SH3GLB2: variants seen among roughly 807,000 people sequenced by gnomAD.
SH3GLB2 encodes endophilin-B2.
SH3GLB2 carries 24 observed loss-of-function variants against 48.0 expected under a neutral mutation model. That is an observed-to-expected ratio of 0.50 (90% CI 0.36 to 0.70). The LOEUF (loss-of-function observed/expected upper bound fraction) is 0.70, where lower values mean the gene tolerates loss of function less well. Ranked by LOEUF, SH3GLB2 falls within the 30% of genes least tolerant of loss-of-function variation. The pLI is 0.00. For synonymous variants in SH3GLB2, 227 were observed against 207.6 expected (o/e 1.09, Z -0.80); for missense variants, 425 against 516.0 (o/e 0.82, Z 1.71).
intron 10 of SH3GLB2, 49 bp from the exon 11 acceptor site, chr9:129,008,840 C>A (rs751025554): frequency 6.4e-7 from 1 of 1,560,306 alleles, no homozygotes; most frequent in African/African-American, 1.4e-5. Context: ...AAGGGTGGAA[C>A]TGGCCCCAGG....
At chr9:129,022,522 GA>G in intron 1 of SH3GLB2, 99 bp from the exon 2 acceptor site, 1 of 1,130,650 alleles carries the variant, frequency 8.8e-7, no homozygotes, top group Admixed American at 2.1e-5. Context: ...CCACCAGCAG[GA>G]ACCCAGGCAG....
rs1046575668 is a variant in SH3GLB2, at chr9:129,009,891, G to C, written c.739-20C>G. ...GTTCACCTGCGGGGAAGAGGCCAGA[G>C]GCTGACTTCTAACCTCCCGCCCTCA... On this transcript the variant is annotated intron_variant, in intron 8 of 10. Coordinates refer to ENST00000372564, the MANE Select transcript of SH3GLB2 (RefSeq NM_020145.4). The C allele has an allele frequency of 1.2e-6, 2 of 1,606,472 alleles. No individual in the cohort carries two copies. Among genetic ancestry groups the C allele is most frequent in the Non-Finnish European group, 1.7e-6 (2 of 1,174,708 alleles).
chr9:129,008,766 C>G lies in SH3GLB2; in HGVS notation c.1106G>C (p.Gly369Ala). 1 of 1,614,072 alleles carries G rather than the reference C, an allele frequency of 6.2e-7. No individual in the cohort carries two copies. Among genetic ancestry groups the G allele is most frequent in the Non-Finnish European group, 8.5e-7 (1 of 1,179,980 alleles). Reference sequence around the variant, plus strand: ...GCCAATGAGCCAGTCAGGGTCCATGCCAGGCAGGCTGTAGACAGTGATGAG... The same window carrying G: ...GCCAATGAGCCAGTCAGGGTCCATGGCAGGCAGGCTGTAGACAGTGATGAG... ...DELITVYSLPGMDPDWLIGER... is the reference protein window; with the variant it reads ...DELITVYSLPAMDPDWLIGER... Residue 369 changes from glycine (G) to alanine (A), a missense_variant, in exon 11 of 11, where the codon GGC becomes GCC. Coordinates refer to ENST00000372564, the MANE Select transcript of SH3GLB2 (RefSeq NM_020145.4).
chr9:129,017,943 T>C (rs372831238), intron 3 of SH3GLB2, among the ~76,000 whole-genome samples: 187 of 143,202 alleles, frequency 1.3e-3, no homozygotes, highest in African/African-American at 4.5e-3. Flanking sequence ...TGATTATAGG[T>C]GCGTGATGGT....
chr9:129,020,225 A>AC (rs1843700506), intron 3 of SH3GLB2, among the ~76,000 whole-genome samples: 1 of 149,580 alleles, frequency 6.7e-6, no homozygotes, highest in South Asian at 2.1e-4. Context: ...AAAAAAAAAA[A>AC]AAAAAAAGTC....
rs894522918 is a variant in SH3GLB2 at position 129,010,618 on chromosome 9, G to GC, written c.648+51dup. 2.8e-5 allele frequency: 45 copies of GC among 1,601,558 alleles called. No individual in the cohort carries two copies. The African/African-American group carries it at 5.5e-4, about 20-fold the overall frequency. The stretch of plus-strand genomic sequence containing the variant: ...AGACCCCACAGCAGCAAGTGTGCCT[G>GC]CACCCCGCCACCCCTTCTTCCTCGA... On this transcript the variant is annotated intron_variant, in intron 7 of 10. Transcript: ENST00000372564.
Position 129,009,824 on chromosome 9 carries a change from G to A in SH3GLB2, c.786C>T (p.Thr262=). 6.2e-7 allele frequency: 1 copy of A among 1,614,070 alleles called. No homozygotes were observed. The highest frequency in any genetic ancestry group is 8.5e-7 in the Non-Finnish European group (1 of 1,179,982). Residue 262 remains threonine, a synonymous_variant, in exon 9 of 11, where the codon ACC becomes ACT. Coordinates refer to ENST00000372564, the MANE Select transcript of SH3GLB2 (RefSeq NM_020145.4). ...CLHEFVKSQT[T]YYAQCYRHML... ...TGTGGCGGTAGCACTGTGCGTAGTA[G>A]GTTGTCTGAGACTTGACGAACTCGT... is the stretch of plus-strand genomic sequence containing the variant.
chr9:129,014,979 A>G lies in SH3GLB2; in HGVS notation c.335-75T>C. On this transcript the variant is annotated intron_variant, in intron 3 of 10. Coordinates refer to ENST00000372564, the MANE Select transcript of SH3GLB2 (RefSeq NM_020145.4). This position sits in a 1 kb window ranked among gnomAD's most constrained non-coding sequence, Gnocchi z 4.1. ...TCTGATCTACAGGAGAGGGCTCAGG[A>G]AGAGCTTGCTGAAGAGCAAGGGCCG... The G allele has an allele frequency of 6.5e-7, 1 of 1,547,170 alleles. No homozygotes were observed. Among genetic ancestry groups the G allele is most frequent in the Non-Finnish European group, 8.7e-7 (1 of 1,148,930 alleles).
intron 3 of SH3GLB2, among the ~76,000 whole-genome samples, chr9:129,018,675 C>T (rs1843596292): frequency 6.7e-6 from 1 of 149,368 alleles, no homozygotes. Flanking sequence ...GGGTGGATCA[C>T]GAGGTCAGGA....
rs34203414 is a variant in SH3GLB2 at position 129,009,300 on chromosome 9, G to A, written c.886C>T (p.Leu296=). ...GCAGTGGTGGGTGAGGTGCTGCTCA[G>A]GGGTGGGGAGGCGGGCTCTGTGGTG... is the stretch of plus-strand genomic sequence containing the variant. The part of the protein sequence containing the change: ...VGTTEPASPP[L]SSTSPTTAAA... The change falls in exon 10 of 11, where the codon CTG becomes TTG. Residue 296 remains leucine (L), a synonymous_variant. Transcript: ENST00000372564. 1.3e-6 allele frequency: 2 copies of A among 1,549,012 alleles called. No individual in the cohort carries two copies. Among genetic ancestry groups the A allele is most frequent in the Non-Finnish European group, 1.7e-6 (2 of 1,145,096 alleles).
At chr9:129,017,066 GC>G (rs1843474706) in intron 3 of SH3GLB2, among the ~76,000 whole-genome samples, 1 of 149,718 alleles carries the variant, frequency 6.7e-6, no homozygotes. Context: ...TCCTGCCTCA[GC>G]CTCCCAAGTA....
intron 1 of SH3GLB2, among the ~76,000 whole-genome samples, chr9:129,026,775 TC>T (rs1441324609): frequency 6.6e-6 from 1 of 152,078 alleles, no homozygotes; most frequent in Non-Finnish European, 1.5e-5. Flanking sequence ...CAGAGTGGGT[TC>T]CCCCCTCCCA....
chr9:129,023,203 T>C (rs1843929697), intron 1 of SH3GLB2, among the ~76,000 whole-genome samples: 1 of 152,092 alleles, frequency 6.6e-6, no homozygotes, highest in African/African-American at 2.4e-5. Flanking sequence ...GGCCAAACGG[T>C]TGGCTTTGGC....
chr9:129,027,641 A>C (rs1011717032), intron 1 of SH3GLB2, among the ~76,000 whole-genome samples: 1 of 152,208 alleles, frequency 6.6e-6, no homozygotes, highest in Non-Finnish European at 1.5e-5. Flanking sequence ...TGAGGGACTC[A>C]TGGCACCAGC....
chr9:129,022,151 C>T, intron 2 of SH3GLB2, 131 bp downstream of exon 2: 2 of 1,386,528 alleles, frequency 1.4e-6, no homozygotes, highest in Non-Finnish European at 1.9e-6. Flanking sequence ...CTTCAACAGC[C>T]TTGAGCCCAA....
At chr9:129,018,061 C>T (rs988687916) in intron 3 of SH3GLB2, among the ~76,000 whole-genome samples, 1 of 152,084 alleles carries the variant, frequency 6.6e-6, no homozygotes, top group African/African-American at 2.4e-5. Flanking sequence ...CATTGCACTC[C>T]AGCCTGGGCG....
At chr9:129,025,379 G>A (rs1432611456) in intron 1 of SH3GLB2, among the ~76,000 whole-genome samples, 3 of 151,032 alleles carry the variant, frequency 2.0e-5, no homozygotes, top group Non-Finnish European at 2.9e-5. Context: ...CCTGGCCAAC[G>A]TGGTGAAACC....
intron 10 of SH3GLB2, 70 bp downstream of exon 10, chr9:129,009,036 G>C (rs1490019001): frequency 1.3e-6 from 2 of 1,592,470 alleles, no homozygotes; most frequent in South Asian, 1.1e-5. Flanking sequence ...GGCCCCATGT[G>C]CCTGATCCCA....
At chr9:129,013,406 C>A in intron 5 of SH3GLB2, 1 of 268,806 alleles carries the variant, frequency 3.7e-6, no homozygotes, top group Non-Finnish European at 7.3e-6. Flanking sequence ...ACTCCAGAGA[C>A]GGTGTCTGGC....
Sources: allele counts gnomAD v4.1 joint callset (sites outside exome capture counted in the v4.1 genomes callset), GRCh38; gene constraint gnomAD v4.1.1; non-coding constraint Gnocchi (gnomAD v3.1); transcripts MANE v1.5; gene names NCBI Gene and HGNC (gene_info 2026-07-23, HGNC 2026-07-21).